ZSWIM5: variants seen among roughly 807,000 people sequenced by gnomAD.
The protein encoded by ZSWIM5 is zinc finger SWIM domain-containing protein 5.
Under a neutral mutation model 119.6 loss-of-function variants are expected in ZSWIM5, and 55 were observed. The observed-to-expected ratio is 0.46, with a 90% CI of 0.37 to 0.58. The LOEUF (loss-of-function observed/expected upper bound fraction) is 0.58, where lower values mean the gene tolerates loss of function less well. Ranked by LOEUF, ZSWIM5 falls within the 20% of genes least tolerant of loss-of-function variation. The pLI is 0.00. For synonymous variants in ZSWIM5, 537 were observed against 606.9 expected, an observed-to-expected ratio of 0.88 and a Z score of 1.69; for missense variants, 1,193 against 1,512.8, an observed-to-expected ratio of 0.79 and a Z score of 3.51.
chr1:45,060,869 G>A (rs751117709), intron 2 of ZSWIM5, among the ~76,000 whole-genome samples: 1 of 151,986 alleles, frequency 6.6e-6, no homozygotes, highest in African/African-American at 2.4e-5. Flanking sequence ...TAGAGACAGG[G>A]TTTTGCCATG....
At chr1:45,163,189 G>A (rs1645874465) in intron 1 of ZSWIM5, among the ~76,000 whole-genome samples, 1 of 152,196 alleles carries the variant, frequency 6.6e-6, no homozygotes, top group Admixed American at 6.5e-5. Flanking sequence ...AGCCTCTGCT[G>A]GTGATACCCA....
At chr1:45,158,466 G>T (rs115955752) in intron 1 of ZSWIM5, among the ~76,000 whole-genome samples, 3,367 of 152,238 alleles carry the variant, frequency 0.022, 57 homozygotes, top group Non-Finnish European at 0.036. Flanking sequence ...ATCGTGCCTG[G>T]TCTGAACTAC....
At chr1:45,179,371 C>T (rs913296585) in intron 1 of ZSWIM5, among the ~76,000 whole-genome samples, 4 of 152,026 alleles carry the variant, frequency 2.6e-5, no homozygotes, top group Non-Finnish European at 4.4e-5. Context: ...AATGTTCTCA[C>T]TTACAAGAAG....
intron 4 of ZSWIM5, among the ~76,000 whole-genome samples, chr1:45,054,583 A>G (rs1394081156): frequency 6.6e-6 from 1 of 152,184 alleles, no homozygotes; most frequent in Non-Finnish European, 1.5e-5. Context: ...CACTTTCTCA[A>G]AAAACAACAA....
intron 1 of ZSWIM5, among the ~76,000 whole-genome samples, chr1:45,143,868 A>G (rs1645744930): frequency 1.3e-5 from 2 of 148,286 alleles, no homozygotes; most frequent in African/African-American, 4.9e-5. Context: ...ACAAATACAA[A>G]CATAAATTAA....
intron 2 of ZSWIM5, 97 bp downstream of exon 2, chr1:45,087,784 C>T (rs1294232141): frequency 3.6e-6 from 3 of 838,130 alleles, no homozygotes; most frequent in Non-Finnish European, 5.7e-6. Flanking sequence ...AACCTCTTAA[C>T]ATGCAATAAA....
intron 1 of ZSWIM5, among the ~76,000 whole-genome samples, chr1:45,136,384 T>A (rs1645690008): frequency 6.6e-6 from 1 of 152,166 alleles, no homozygotes; most frequent in South Asian, 2.1e-4. Flanking sequence ...CAACTGGGAT[T>A]ACAAGTGTGA....
At chr1:45,109,223 A>G (rs1415118362) in intron 1 of ZSWIM5, among the ~76,000 whole-genome samples, 1 of 152,140 alleles carries the variant, frequency 6.6e-6, no homozygotes, top group East Asian at 1.9e-4. Flanking sequence ...GGCAGAAGAT[A>G]TTCATTCTCA....
At chr1:45,049,916 C>T (rs1645079894) in intron 5 of ZSWIM5, among the ~76,000 whole-genome samples, 1 of 152,124 alleles carries the variant, frequency 6.6e-6, no homozygotes, top group Admixed American at 6.5e-5. Context: ...AAAGAAGTGG[C>T]AAAATTGTAG....
At chr1:45,167,915 G>T (rs911339561) in intron 1 of ZSWIM5, among the ~76,000 whole-genome samples, 2 of 152,126 alleles carry the variant, frequency 1.3e-5, no homozygotes, top group Non-Finnish European at 2.9e-5. Context: ...AGACAGTGTG[G>T]CAATTCCTCA....
At chr1:45,055,035 A>C (rs1645113447) in intron 4 of ZSWIM5, among the ~76,000 whole-genome samples, 1 of 152,056 alleles carries the variant, frequency 6.6e-6, no homozygotes, top group Non-Finnish European at 1.5e-5. Flanking sequence ...TGTGTCGCCT[A>C]GGCTGGAGTG....
At chr1:45,089,558 C>T (rs919253848) in intron 1 of ZSWIM5, among the ~76,000 whole-genome samples, 1 of 152,206 alleles carries the variant, frequency 6.6e-6, no homozygotes, top group African/African-American at 2.4e-5. Context: ...TTGCCCAAGG[C>T]ACTAGCAAAT....
intron 1 of ZSWIM5, among the ~76,000 whole-genome samples, chr1:45,128,827 T>G (rs1189207133): frequency 1.3e-5 from 2 of 152,178 alleles, no homozygotes; most frequent in Non-Finnish European, 2.9e-5. Flanking sequence ...CACTAGGTTT[T>G]TCTTCTTTTT....
intron 11 of ZSWIM5, among the ~76,000 whole-genome samples, chr1:45,023,139 T>C (rs1307662053): frequency 6.6e-6 from 1 of 152,208 alleles, no homozygotes; most frequent in Non-Finnish European, 1.5e-5. Context: ...GTTATACAGT[T>C]GTATGGGTTT....
chr1:45,200,627 TCACA>T (rs1439965405), intron 1 of ZSWIM5, among the ~76,000 whole-genome samples: 1 of 152,180 alleles, frequency 6.6e-6, no homozygotes, highest in African/African-American at 2.4e-5. Context: ...GAGTGCTATA[TCACA>T]CAGTCATCAT....
chr1:45,089,742 T>C (rs1305890448), intron 1 of ZSWIM5, among the ~76,000 whole-genome samples: 1 of 151,880 alleles, frequency 6.6e-6, no homozygotes. Context: ...GAGGTGCAGG[T>C]GAGAGGATTA....
chr1:45,172,464 C>G (rs758903853), intron 1 of ZSWIM5, among the ~76,000 whole-genome samples: 2 of 151,984 alleles, frequency 1.3e-5, no homozygotes, highest in African/African-American at 4.8e-5. Flanking sequence ...TATTTTACTA[C>G]GTAAAAAAGC....
At chr1:45,052,139 C>T (rs935037842) in intron 4 of ZSWIM5, among the ~76,000 whole-genome samples, 3 of 151,794 alleles carry the variant, frequency 2.0e-5, no homozygotes, top group Non-Finnish European at 4.4e-5. Context: ...CCTCGCACCC[C>T]ACCCCCAACC....
At chr1:45,174,844 T>C (rs1460563513) in intron 1 of ZSWIM5, among the ~76,000 whole-genome samples, 2 of 152,178 alleles carry the variant, frequency 1.3e-5, no homozygotes, top group East Asian at 1.9e-4. Context: ...AAATGAGTTA[T>C]TGGAGAGTAA....
Sources: allele counts gnomAD v4.1 joint callset (sites outside exome capture counted in the v4.1 genomes callset), GRCh38; gene constraint gnomAD v4.1.1; transcripts MANE v1.5; gene names NCBI Gene and HGNC (gene_info 2026-07-23, HGNC 2026-07-21).